The following GPC6 variants were observed in gnomAD, a reference collection of about 807,000 sequenced individuals.
The protein encoded by GPC6 is glypican-6.
GPC6 carries 14 observed loss-of-function variants against 55.2 expected under a neutral mutation model. The observed-to-expected ratio is 0.25, with a 90% CI of 0.17 to 0.40. The LOEUF is 0.40. GPC6 is among the 10% of genes least tolerant of loss of function. GPC6 has a pLI of 1.00. For synonymous variants in GPC6, 278 were observed against 259.6 expected, an observed-to-expected ratio of 1.07 and a Z score of -0.68; for missense variants, 641 against 708.5, an observed-to-expected ratio of 0.90 and a Z score of 1.08.
At chr13:94,369,557 G>T (rs1029789702) in intron 6 of GPC6, among the ~76,000 whole-genome samples, 2 of 152,198 alleles carry the variant, frequency 1.3e-5, no homozygotes, top group Admixed American at 6.5e-5. Flanking sequence ...TATGAGGATT[G>T]CAAAGACCCT....
intron 3 of GPC6, among the ~76,000 whole-genome samples, chr13:93,891,751 G>A (rs1209988041): frequency 6.6e-6 from 1 of 151,790 alleles, no homozygotes; most frequent in Non-Finnish European, 1.5e-5. Context: ...ACATACACAT[G>A]TATATATAAA....
intron 1 of GPC6, among the ~76,000 whole-genome samples, chr13:93,415,597 A>G (rs1876668776): frequency 6.6e-6 from 1 of 152,134 alleles, no homozygotes; most frequent in African/African-American, 2.4e-5. Flanking sequence ...GTTTGATACA[A>G]ATGCCAGACT....
intron 2 of GPC6, among the ~76,000 whole-genome samples, chr13:93,788,184 A>G (rs952433116): frequency 2.6e-5 from 4 of 152,126 alleles, no homozygotes; most frequent in African/African-American, 9.7e-5. Flanking sequence ...GCCGGTAGGT[A>G]CGATTGTCTG....
intron 4 of GPC6, among the ~76,000 whole-genome samples, chr13:94,045,018 C>G (rs1307236469): frequency 1.3e-5 from 2 of 151,430 alleles, no homozygotes; most frequent in Non-Finnish European, 3.0e-5. Context: ...TTGTGAATAG[C>G]CTATGTTACC....
intron 2 of GPC6, among the ~76,000 whole-genome samples, chr13:93,744,973 C>T (rs746539532): frequency 1.3e-5 from 2 of 151,768 alleles, no homozygotes; most frequent in South Asian, 4.2e-4. Flanking sequence ...AATCCATTTC[C>T]TTCTCTCCAT....
intron 2 of GPC6, among the ~76,000 whole-genome samples, chr13:93,738,710 T>G (rs928793345): frequency 9.9e-5 from 15 of 152,084 alleles, no homozygotes; most frequent in African/African-American, 3.4e-4. Context: ...GGAAGCCATA[T>G]TAGAATTTCA....
At chr13:93,361,255 G>T (rs1026729116) in intron 1 of GPC6, among the ~76,000 whole-genome samples, 1 of 151,930 alleles carries the variant, frequency 6.6e-6, no homozygotes, top group African/African-American at 2.4e-5. Flanking sequence ...TGAGTTTCCC[G>T]CTCAAACAGA....
At chr13:93,934,469 A>C (rs1878332214) in intron 3 of GPC6, among the ~76,000 whole-genome samples, 1 of 152,174 alleles carries the variant, frequency 6.6e-6, no homozygotes, top group East Asian at 1.9e-4. Flanking sequence ...CCCCTTAAGT[A>C]AAACTGACCA....
intron 6 of GPC6, among the ~76,000 whole-genome samples, chr13:94,366,682 A>T (rs1166687579): frequency 6.6e-6 from 1 of 152,238 alleles, no homozygotes; most frequent in Non-Finnish European, 1.5e-5. Context: ...AAATCATGGC[A>T]AGTTCCTTGG....
chr13:93,739,432 A>AT (rs200253767), intron 2 of GPC6, among the ~76,000 whole-genome samples: 88,280 of 142,370 alleles, frequency 0.62, 27,967 homozygotes, highest in Non-Finnish European at 0.68. Context: ...CTTCAAATAC[A>AT]TTTTTTTTTT....
intron 1 of GPC6, among the ~76,000 whole-genome samples, chr13:93,461,321 A>C (rs1292264391): frequency 6.6e-6 from 1 of 152,178 alleles, no homozygotes; most frequent in Non-Finnish European, 1.5e-5. Context: ...GGTTTTCATA[A>C]GGGCAATGAG....
chr13:93,951,673 A>C (rs1879260431), intron 3 of GPC6, among the ~76,000 whole-genome samples: 1 of 152,154 alleles, frequency 6.6e-6, no homozygotes. Context: ...TCATCCGTAT[A>C]GTAATGGTTA....
chr13:93,747,037 T>C (rs966194887), intron 2 of GPC6, among the ~76,000 whole-genome samples: 2 of 152,206 alleles, frequency 1.3e-5, no homozygotes, highest in African/African-American at 4.8e-5. Flanking sequence ...GTCTTATTAC[T>C]TGAGGAACAG....
At chr13:94,038,562 C>T (rs1253491638) in intron 4 of GPC6, among the ~76,000 whole-genome samples, 1 of 151,918 alleles carries the variant, frequency 6.6e-6, no homozygotes, top group African/African-American at 2.4e-5. Flanking sequence ...CACTTATAAC[C>T]TGTGTGACTT....
chr13:94,384,037 C>G (rs963669034), intron 7 of GPC6, among the ~76,000 whole-genome samples: 1 of 152,190 alleles, frequency 6.6e-6, no homozygotes, highest in East Asian at 1.9e-4. Context: ...ATGGGGATTG[C>G]AATTCAAGAT....
At chr13:93,544,062 A>G (rs188136007) in intron 1 of GPC6, among the ~76,000 whole-genome samples, 1 of 150,908 alleles carries the variant, frequency 6.6e-6, no homozygotes. Context: ...ATGATTAGTC[A>G]CGGTGAGCCT....
chr13:93,242,320 C>T (rs1456998278), intron 1 of GPC6, among the ~76,000 whole-genome samples: 1 of 152,090 alleles, frequency 6.6e-6, no homozygotes, highest in Non-Finnish European at 1.5e-5. Flanking sequence ...AAAAACAACC[C>T]AACTCCCTAT....
chr13:94,039,162 C>T (rs936758921), intron 4 of GPC6, among the ~76,000 whole-genome samples: 1 of 151,946 alleles, frequency 6.6e-6, no homozygotes, highest in Non-Finnish European at 1.5e-5. Context: ...CTGTTGTGTA[C>T]ATGGAGGTAA....
At chr13:93,944,814 A>G (rs1878920978) in intron 3 of GPC6, among the ~76,000 whole-genome samples, 1 of 152,214 alleles carries the variant, frequency 6.6e-6, no homozygotes, top group Non-Finnish European at 1.5e-5. Flanking sequence ...CGGAATTGGG[A>G]GTATTCCTGC....
Sources: allele counts gnomAD v4.1 joint callset (sites outside exome capture counted in the v4.1 genomes callset), GRCh38; gene constraint gnomAD v4.1.1; transcripts MANE v1.5; gene names NCBI Gene and HGNC (gene_info 2026-07-23, HGNC 2026-07-21).